The following AGAP1 variants were observed in gnomAD, a reference collection of about 807,000 sequenced individuals.
AGAP1 encodes arf-GAP with GTPase, ANK repeat and PH domain-containing protein 1.
A neutral mutation model predicts 105.3 loss-of-function variants in AGAP1; 29 were observed. The ratio of observed to expected loss-of-function variants is 0.28; its 90% CI spans 0.21 to 0.38. The LOEUF is 0.38. AGAP1 is among the 10% of genes least tolerant of loss of function. The probability of loss-of-function intolerance (pLI) is 1.00; values close to 1 mark genes in which losing one functional copy is unlikely to be tolerated. For synonymous variants in AGAP1, 509 were observed against 485.9 expected (o/e 1.05, Z -0.63); for missense variants, 998 against 1,165.1 (o/e 0.86, Z 2.09).
chr2:235,925,831 T>G (rs2873338), intron 11 of AGAP1, among the ~76,000 whole-genome samples: 61,284 of 151,970 alleles, frequency 0.4, 12,787 homozygotes, highest in Admixed American at 0.49. Context: ...TATCCTAGCT[T>G]GTCTTGATGT....
chr2:236,031,278 AC>A (rs780709407), intron 13 of AGAP1, among the ~76,000 whole-genome samples: 2 of 152,230 alleles, frequency 1.3e-5, no homozygotes, highest in Non-Finnish European at 2.9e-5. Context: ...ACTAAAGGCC[AC>A]ATGCAGAGGA....
chr2:236,045,218 G>T lies in AGAP1; in HGVS notation c.1892-3841G>T, dbSNP rs904160852. 2.0e-5 allele frequency among the ~76,000 whole-genome samples: 3 copies of T among 152,002 alleles called. No individual in the cohort carries two copies. Among genetic ancestry groups the T allele is most frequent in the Admixed American group, 6.6e-5 (1 of 15,258 alleles). ...GGCAGGAGCCACTGTGCTGGGCCTA[G>T]TTTTTTTTATTTTTTCCTGCTTGGT... On this transcript the variant is annotated intron_variant, in intron 15 of 17. Coordinates refer to ENST00000304032, the MANE Select transcript of AGAP1 (RefSeq NM_001037131.3). The surrounding 1 kb of genome is among the most constrained non-coding windows in gnomAD (Gnocchi z 6.9).
intron 9 of AGAP1, among the ~76,000 whole-genome samples, chr2:235,815,820 A>G (rs1411939881): frequency 1.3e-5 from 2 of 152,208 alleles, no homozygotes; most frequent in Non-Finnish European, 2.9e-5. Context: ...TGTTGCTGGA[A>G]CGAATCCTTA....
At chr2:235,778,867 C>T (rs1245474815) in intron 6 of AGAP1, among the ~76,000 whole-genome samples, 4 of 152,222 alleles carry the variant, frequency 2.6e-5, no homozygotes, top group African/African-American at 9.6e-5. Context: ...TCTTTGTCAC[C>T]TGCATCTCTG....
chr2:235,597,399 G>C (rs1262991402), intron 1 of AGAP1, among the ~76,000 whole-genome samples: 1 of 152,204 alleles, frequency 6.6e-6, no homozygotes, highest in Non-Finnish European at 1.5e-5. Context: ...GGCCCCTCCA[G>C]GGCCACACAC....
rs1368553979 is a variant in AGAP1, at chr2:236,104,601, C to T, written c.2115-15591C>T. ...ATCCAACTTGGGTTACAAAGACAAG[C>T]GTGCACAGGCCAGGCGCGGTGGCTC... On this transcript the variant is annotated intron_variant, in intron 16 of 17. Transcript: ENST00000304032. The surrounding 1 kb of genome is among the most constrained non-coding windows in gnomAD (Gnocchi z 4.7). Among the ~76,000 whole-genome samples the T allele has an allele frequency of 6.6e-6, 1 of 152,172 alleles. No homozygotes were observed. Among genetic ancestry groups the T allele is most frequent in the Non-Finnish European group, 1.5e-5 (1 of 68,016 alleles).
intron 3 of AGAP1, among the ~76,000 whole-genome samples, chr2:235,727,668 G>A (rs1176733054): frequency 2.6e-5 from 4 of 152,124 alleles, no homozygotes; most frequent in African/African-American, 7.2e-5. Flanking sequence ...ATCATCAACC[G>A]CATTAGCTCA....
At chr2:235,876,254 A>AT (rs1336807234) in intron 9 of AGAP1, among the ~76,000 whole-genome samples, 1 of 152,224 alleles carries the variant, frequency 6.6e-6, no homozygotes, top group South Asian at 2.1e-4. Flanking sequence ...AAAATAATTT[A>AT]TTTTTAAAGG....
rs1559232402 is a variant in AGAP1, at chr2:236,055,788, A to AT, written c.2114+6508dup. Among the ~76,000 whole-genome samples, 1 of 152,200 alleles carries AT rather than the reference A, an allele frequency of 6.6e-6. No individual in the cohort carries two copies. Among genetic ancestry groups the AT allele is most frequent in the Non-Finnish European group, 1.5e-5 (1 of 68,044 alleles). On this transcript the variant is annotated intron_variant, in intron 16 of 17. Coordinates refer to ENST00000304032, the MANE Select transcript of AGAP1 (RefSeq NM_001037131.3). This position sits in a 1 kb window ranked among gnomAD's most constrained non-coding sequence, Gnocchi z 6.2. ...TCAGGGACCTCAGCCCTTACTTAAG[A>AT]TATTTTAGCAACTTCTCTTAGCAAG...
chr2:235,795,021 G>A lies in AGAP1; in HGVS notation c.674-2738G>A, dbSNP rs575833958. 2.0e-5 allele frequency among the ~76,000 whole-genome samples: 3 copies of A among 152,154 alleles called. 1 individual carries two copies. In the South Asian group the frequency reaches 6.2e-4, roughly 32 times the overall value. ...ATGTTAAACCTATTAACATTTAAAT[G>A]TTCTAAATAGTATGAGTAATTAACG... On this transcript the variant is annotated intron_variant, in intron 6 of 17. Transcript: ENST00000304032.
intron 9 of AGAP1, among the ~76,000 whole-genome samples, chr2:235,814,575 C>T (rs1575536436): frequency 6.6e-6 from 1 of 152,300 alleles, no homozygotes; most frequent in East Asian, 1.9e-4. Context: ...GTGTCTGCAG[C>T]CCCCAGGCTC....
At chr2:235,985,668 C>G (rs1454606353) in intron 13 of AGAP1, among the ~76,000 whole-genome samples, 1 of 152,116 alleles carries the variant, frequency 6.6e-6, no homozygotes, top group Non-Finnish European at 1.5e-5. Flanking sequence ...CTGCATATGG[C>G]TAGCCAGTTT....
At chr2:235,847,208 AAAC>A (rs1264668356) in intron 9 of AGAP1, among the ~76,000 whole-genome samples, 2 of 152,228 alleles carry the variant, frequency 1.3e-5, no homozygotes, top group East Asian at 3.9e-4. Context: ...ACAGAATAGC[AAAC>A]TAAGGAAGAA....
intron 1 of AGAP1, among the ~76,000 whole-genome samples, chr2:235,591,720 T>G (rs1945344235): frequency 6.6e-6 from 1 of 152,196 alleles, no homozygotes; most frequent in Non-Finnish European, 1.5e-5. Context: ...ACCATCCCCT[T>G]GGCGATGAGT....
At chr2:235,786,339 A>G (rs1449404936) in intron 6 of AGAP1, among the ~76,000 whole-genome samples, 1 of 152,064 alleles carries the variant, frequency 6.6e-6, no homozygotes, top group Non-Finnish European at 1.5e-5. Flanking sequence ...TCTATATTCA[A>G]CTCTTGTGTT....
At chr2:235,859,896 T>G (rs2048853648) in intron 9 of AGAP1, among the ~76,000 whole-genome samples, 1 of 152,200 alleles carries the variant, frequency 6.6e-6, no homozygotes, top group East Asian at 1.9e-4. Flanking sequence ...AGTTCTTGGC[T>G]GTGCGCAGCG....
At chr2:235,675,192 T>G (rs1948664969) in intron 1 of AGAP1, among the ~76,000 whole-genome samples, 1 of 19,004 alleles carries the variant, frequency 5.3e-5, no homozygotes, top group African/African-American at 1.8e-4. Context: ...GTTGGTTGGT[T>G]TTTTTTTTTT....
rs925173967 is a variant in AGAP1, at chr2:235,830,907, G to A, written c.1050+23576G>A. ...CTGGTTAGTTGTCTGCAGCTAAGCA[G>A]GAATGGGACTGGATGGTGGGGACTC... On this transcript the variant is annotated intron_variant, in intron 9 of 17. Coordinates refer to ENST00000304032, the MANE Select transcript of AGAP1 (RefSeq NM_001037131.3). This position sits in a 1 kb window ranked among gnomAD's most constrained non-coding sequence, Gnocchi z 5.5. 6.6e-6 allele frequency among the ~76,000 whole-genome samples: 1 copy of A among 152,196 alleles called. No homozygotes were observed. The highest frequency in any genetic ancestry group is 1.5e-5 in the Non-Finnish European group (1 of 68,042).
chr2:235,670,469 GC>G (rs1425063407), intron 1 of AGAP1: 1 of 523,264 alleles, frequency 1.9e-6, no homozygotes. Flanking sequence ...GGCCGGCAGC[GC>G]CCCGGCCGAG....
Sources: gnomAD v4.1 joint callset for allele counts (sites outside exome capture counted in the v4.1 genomes callset) on GRCh38, gnomAD v4.1.1 for gene constraint, Gnocchi (gnomAD v3.1) non-coding constraint, MANE v1.5 for transcripts, NCBI Gene and HGNC (gene_info 2026-07-23, HGNC 2026-07-21) for gene names.